DOCK6: variants seen among roughly 807,000 people sequenced by gnomAD.
The protein encoded by DOCK6 is dedicator of cytokinesis protein 6.
In DOCK6, 167 loss-of-function variants were observed where a neutral mutation model predicts 230.3. That is an observed-to-expected ratio of 0.73 (90% CI 0.64 to 0.82). The LOEUF (loss-of-function observed/expected upper bound fraction) is 0.82, where lower values mean the gene tolerates loss of function less well. Ranked by LOEUF, DOCK6 falls within the 40% of genes least tolerant of loss-of-function variation. DOCK6 has a pLI of 0.00. For synonymous variants in DOCK6, 1,148 were observed against 1,185.0 expected, an observed-to-expected ratio of 0.97 and a Z score of 0.64; for missense variants, 2,598 against 2,825.8, an observed-to-expected ratio of 0.92 and a Z score of 1.83.
chr19:11,242,337 G>A lies in DOCK6; in HGVS notation c.1481-130C>T, dbSNP rs368677941. The A allele has an allele frequency of 1.2e-4, 119 of 1,002,116 alleles. 1 individual carries two copies. The East Asian group carries it at 2.0e-3, about 17-fold the overall frequency. 62.1% of individuals were successfully genotyped at this position (1,002,116 alleles called of 1,614,324 possible). On this transcript the variant is annotated intron_variant, in intron 13 of 47. Transcript: ENST00000294618. Reference sequence around the variant, plus strand: ...GGACTGGGGGCTGTGTCCCTCAGGCGCCAAGGCCAGAAATTGCCCTCAACT... The same window carrying A: ...GGACTGGGGGCTGTGTCCCTCAGGCACCAAGGCCAGAAATTGCCCTCAACT...
chr19:11,236,389 G>T lies in DOCK6; in HGVS notation c.2349C>A (p.Leu783=). Residue 783 remains leucine (L), a synonymous_variant, in exon 20 of 48, where the codon CTC becomes CTA. Coordinates refer to ENST00000294618, the MANE Select transcript of DOCK6 (RefSeq NM_020812.4). The surrounding 1 kb of genome is among the most constrained non-coding windows in gnomAD (Gnocchi z 5.2). The part of the protein sequence containing the change: ...VAFSHHVLDK[L]VRLVIRPPII... ...TCGGGGGCCTGATGACCAGACGCAC[G>T]AGCTTGTCCAGCACGTGGTGGGAGA... 1 of 1,581,214 alleles carries T rather than the reference G, an allele frequency of 6.3e-7. No individual in the cohort carries two copies. Among genetic ancestry groups the T allele is most frequent in the East Asian group, 2.3e-5 (1 of 43,014 alleles).
chr19:11,252,137 C>A lies in DOCK6; in HGVS notation c.489G>T (p.Arg163Ser), dbSNP rs772840313. Reference sequence around the variant, plus strand: ...TCCTCACCGAGTCCTCAGGGCCGGACCTCTCGTCTCCAGAAGCATCCTGCT... The same window carrying A: ...TCCTCACCGAGTCCTCAGGGCCGGAACTCTCGTCTCCAGAAGCATCCTGCT... ...VFEQDASGDERSGPEDSNDSR... is the reference protein window; with the variant it reads ...VFEQDASGDESSGPEDSNDSR... Residue 163 changes from arginine (R) to serine (S), a missense_variant, in exon 5 of 48, where the codon AGG becomes AGT. By Grantham distance (110) the Arg-to-Ser change is moderately radical. Transcript: ENST00000294618. 6.3e-7 allele frequency: 1 copy of A among 1,588,610 alleles called. No homozygotes were observed. The highest frequency in any genetic ancestry group is 1.8e-5 in the Admixed American group (1 of 55,942).
intron 7 of DOCK6, 60 bp downstream of exon 7, chr19:11,248,006 C>A (rs924156327): frequency 2.0e-6 from 3 of 1,470,078 alleles, no homozygotes; most frequent in East Asian, 2.4e-5. Context: ...GTGTGTACCC[C>A]GCCGGAACCC....
At position 11,221,920 on chromosome 19, in the gene DOCK6, C is replaced by T; in HGVS notation, c.3481G>A (p.Val1161Met). Residue 1161 changes from valine (V) to methionine (M), a missense_variant, in exon 28 of 48, where the codon GTG becomes ATG. By Grantham distance (21) the Val-to-Met change is conservative. Coordinates refer to ENST00000294618, the MANE Select transcript of DOCK6 (RefSeq NM_020812.4). ...AGCAGTGGCAGGTACAGCTCGGCCA[C>T]ACGAGCCTTCACAGTGGCCTCGGCG... ...RYAEATVKAR[V>M]AELYLPLLSI... 6.2e-7 allele frequency: 1 copy of T among 1,613,460 alleles called. No homozygotes were observed. The highest frequency in any genetic ancestry group is 8.5e-7 in the Non-Finnish European group (1 of 1,179,896).
At chr19:11,245,247 T>G (rs547439429) in intron 9 of DOCK6, among the ~76,000 whole-genome samples, 2 of 152,288 alleles carry the variant, frequency 1.3e-5, no homozygotes, top group African/African-American at 4.8e-5. Context: ...GCCAACTATG[T>G]CTTTCATCTG....
Position 11,201,968 on chromosome 19 carries a change from T to G in DOCK6, c.5609A>C (p.His1870Pro). 1.2e-6 allele frequency: 2 copies of G among 1,613,676 alleles called. No individual in the cohort carries two copies. The highest frequency in any genetic ancestry group is 2.7e-5 in the African/African-American group (2 of 75,050). Reference sequence around the variant, plus strand: ...GGTGCTGAGCAGCGTCTTACGCTTGTGTTGCTCGGGCAGCTCCCCGTGTGC... The same window carrying G: ...GGTGCTGAGCAGCGTCTTACGCTTGGGTTGCTCGGGCAGCTCCCCGTGTGC... Reference protein sequence around the residue: ...GRAHGELPEQHKRKTLLSTDH... With the variant: ...GRAHGELPEQPKRKTLLSTDH... The change falls in exon 44 of 48, where the codon CAC becomes CCC. Residue 1870 changes from histidine to proline, a missense_variant. By Grantham distance (77) the His-to-Pro change is moderately conservative. Transcript: ENST00000294618. This position sits in a 1 kb window ranked among gnomAD's most constrained non-coding sequence, Gnocchi z 4.3.
At position 11,223,034 on chromosome 19, in the gene DOCK6, G is replaced by C. The variant is rs370045662; in HGVS notation, c.3028C>G (p.Arg1010Gly). 6.2e-7 allele frequency: 1 copy of C among 1,613,594 alleles called. No homozygotes were observed. Among genetic ancestry groups the C allele is most frequent in the African/African-American group, 1.3e-5 (1 of 74,854 alleles). ...CGGACCAGGCTGAAGACAAAGCCCC[G>C]GTCCACCAGGGACAGAAGGTCACTG... The part of the protein sequence containing the change: ...FLSDLLSLVD[R>G]GFVFSLVRAH... The change falls in exon 25 of 48, where the codon CGG (arginine) becomes GGG (glycine). Residue 1010 changes from arginine to glycine, a missense_variant. Transcript: ENST00000294618.
rs1279380614 is a variant in DOCK6 at position 11,243,485 on chromosome 19, CG to C, written c.1258+71del. ...CAGCAGAGGGCGCACCCCCTCGCCC[CG>C]TAGCCCCGCCCCAGGCCTGTCAGCA... On this transcript the variant is annotated intron_variant, in intron 11 of 47. Transcript: ENST00000294618. This position sits in a 1 kb window ranked among gnomAD's most constrained non-coding sequence, Gnocchi z 6.3. The C allele has an allele frequency of 3.0e-4, 465 of 1,543,836 alleles. 3 individuals carry two copies. The African/African-American group carries it at 5.9e-3, about 20-fold the overall frequency.
At chr19:11,213,582 G>A (rs1224473508) in intron 34 of DOCK6, among the ~76,000 whole-genome samples, 1 of 151,918 alleles carries the variant, frequency 6.6e-6, no homozygotes, top group East Asian at 1.9e-4. Flanking sequence ...GAGTTGCAGA[G>A]CACACAGTAA....
chr19:11,225,868 TAAAAAAAAAAAA>T (rs745740690), intron 24 of DOCK6, among the ~76,000 whole-genome samples: 8 of 71,006 alleles, frequency 1.1e-4, no homozygotes, highest in African/African-American at 4.3e-4. Context: ...CTGACTCTAC[TAAAAAAAAAAAA>T]AAAAAAAAAA....
chr19:11,230,570 G>A (rs944209872), intron 22 of DOCK6, among the ~76,000 whole-genome samples: 2 of 152,020 alleles, frequency 1.3e-5, no homozygotes, highest in Admixed American at 6.6e-5. Context: ...GGTGAGTGTA[G>A]ACGAGGTGTA....
intron 39 of DOCK6, among the ~76,000 whole-genome samples, chr19:11,207,141 G>A (rs2079275842): frequency 6.6e-6 from 1 of 151,822 alleles, no homozygotes; most frequent in Admixed American, 6.6e-5. Flanking sequence ...CCTGGGATTT[G>A]CTTTAAGCTG....
chr19:11,237,729 G>A lies in DOCK6; in HGVS notation c.1883C>T (p.Thr628Ile). Residue 628 changes from threonine to isoleucine, a missense_variant, in exon 17 of 48, where the codon ACA becomes ATA. By Grantham distance (89) the Thr-to-Ile change is moderately conservative. Transcript: ENST00000294618. ...GGTGAACAGCAGGTGATGGTTCTCTGTCACGCAGGCTGGAAGATGCAGCTT... is the reference window on the plus strand; with the variant it reads ...GGTGAACAGCAGGTGATGGTTCTCTATCACGCAGGCTGGAAGATGCAGCTT... Reference protein sequence around the residue: ...EFKLHLPACVTENHHLLFTFY... With the variant: ...EFKLHLPACVIENHHLLFTFY... 1 of 1,582,146 alleles carries A rather than the reference G, an allele frequency of 6.3e-7. No homozygotes were observed. Among genetic ancestry groups the A allele is most frequent in the Non-Finnish European group, 8.6e-7 (1 of 1,164,712 alleles).
At chr19:11,237,962 G>T in intron 16 of DOCK6, 83 bp downstream of exon 16, 1 of 1,502,036 alleles carries the variant, frequency 6.7e-7, no homozygotes, top group Non-Finnish European at 9.1e-7. Context: ...TCTTCCCATC[G>T]ATGCTGCCTT....
intron 1 of DOCK6, among the ~76,000 whole-genome samples, chr19:11,255,848 G>A (rs181229854): frequency 1.8e-3 from 278 of 152,118 alleles, no homozygotes; most frequent in Non-Finnish European, 3.2e-3. Context: ...GTGCAGTGGC[G>A]CAATCTCGGC....
intron 24 of DOCK6, among the ~76,000 whole-genome samples, chr19:11,223,514 A>G (rs1486537607): frequency 6.6e-6 from 1 of 152,210 alleles, no homozygotes; most frequent in East Asian, 1.9e-4. Context: ...CCACACAGTG[A>G]TGCCTCTACA....
At position 11,248,047 on chromosome 19, in the gene DOCK6, GAC is replaced by G. The variant is rs745695859; in HGVS notation, c.806+17_806+18del. On this transcript the variant is annotated intron_variant, in intron 7 of 47. Transcript: ENST00000294618. Reference sequence around the variant, plus strand: ...GTTGCTTCACGCATCTAAGAAGAGAGACATGTCAGTATACTCACTTGAGCGAC... The same window carrying G: ...GTTGCTTCACGCATCTAAGAAGAGAGATGTCAGTATACTCACTTGAGCGAC... 8 of 1,603,108 alleles carry G rather than the reference GAC, an allele frequency of 5.0e-6. No homozygotes were observed. In the South Asian group the frequency reaches 9.0e-5, roughly 18 times the overall value.
chr19:11,200,415 C>T lies in DOCK6; in HGVS notation c.5994G>A (p.Glu1998=). The T allele has an allele frequency of 6.2e-7, 1 of 1,610,798 alleles. No homozygotes were observed. The highest frequency in any genetic ancestry group is 1.1e-5 in the South Asian group (1 of 90,070). Reference sequence around the variant, plus strand: ...AGTTGCGCTCCAGCTCACGGTGGTACTCCTTCTGGTCCGGCCCAATCAGGG... The same window carrying T: ...AGTTGCGCTCCAGCTCACGGTGGTATTCCTTCTGGTCCGGCCCAATCAGGG... The part of the protein sequence containing the change: ...NKALIGPDQK[E]YHRELERNYC... Residue 1998 remains glutamate (E), a synonymous_variant, in exon 47 of 48, where the codon GAG becomes GAA. Transcript: ENST00000294618. This position sits in a 1 kb window ranked among gnomAD's most constrained non-coding sequence, Gnocchi z 4.3.
intron 23 of DOCK6, among the ~76,000 whole-genome samples, chr19:11,228,270 C>T (rs553758222): frequency 3.8e-4 from 58 of 152,196 alleles, no homozygotes; most frequent in South Asian, 1.5e-3. Flanking sequence ...CTCGGCCTCC[C>T]AAAGTGCTGG....
Sources: gnomAD v4.1 joint callset for allele counts (sites outside exome capture counted in the v4.1 genomes callset) on GRCh38, gnomAD v4.1.1 for gene constraint, Gnocchi (gnomAD v3.1) non-coding constraint, MANE v1.5 for transcripts, NCBI Gene and HGNC (gene_info 2026-07-23, HGNC 2026-07-21) for gene names.